Variants in RFX7 observed in about 807,000 individuals in gnomAD.
RFX7 encodes the protein regulatory factor X7.
A neutral mutation model predicts 111.8 loss-of-function variants in RFX7; 26 were observed. That is an observed-to-expected ratio of 0.23 (90% CI 0.17 to 0.32). RFX7 has a LOEUF of 0.32. Among genes scored for constraint, RFX7 ranks in the 10% least tolerant of loss-of-function variants. The pLI is 1.00. For synonymous variants in RFX7, 624 were observed against 624.4 expected (o/e 1.00, Z 0.01); for missense variants, 1,573 against 1,772.9 (o/e 0.89, Z 2.02).
At chr15:56,214,775 C>A (rs1332208709) in intron 2 of RFX7, among the ~76,000 whole-genome samples, 2 of 151,236 alleles carry the variant, frequency 1.3e-5, no homozygotes, top group Non-Finnish European at 2.9e-5. Flanking sequence ...ACATTTATTT[C>A]CAAGAACCTA....
chr15:56,181,649 A>G (rs1258456240), intron 2 of RFX7, among the ~76,000 whole-genome samples: 1 of 152,240 alleles, frequency 6.6e-6, no homozygotes, highest in Non-Finnish European at 1.5e-5. Context: ...GAGTTTTTAT[A>G]TAAATTAGTA....
chr15:56,223,396 C>A (rs2043446865), intron 2 of RFX7, among the ~76,000 whole-genome samples: 1 of 152,166 alleles, frequency 6.6e-6, no homozygotes, highest in Non-Finnish European at 1.5e-5. Flanking sequence ...TTTCCCTCAG[C>A]TACAGTTTGG....
intron 2 of RFX7, among the ~76,000 whole-genome samples, chr15:56,236,581 C>T (rs1283044439): frequency 6.6e-6 from 1 of 152,170 alleles, no homozygotes; most frequent in Non-Finnish European, 1.5e-5. Flanking sequence ...TTACAAAGAA[C>T]ATTCTGTCAC....
intron 3 of RFX7, among the ~76,000 whole-genome samples, chr15:56,155,018 A>AT (rs1256528797): frequency 3.3e-5 from 5 of 152,330 alleles, no homozygotes; most frequent in Middle Eastern, 3.4e-3. Flanking sequence ...CAACAGACAT[A>AT]GGAAAAATGC....
upstream of RFX7, chr15:56,244,394 T>C (rs1211028559): frequency 6.6e-6 from 1 of 152,102 alleles, no homozygotes; most frequent in Non-Finnish European, 1.5e-5. Flanking sequence ...CTGGGTTGAG[T>C]GCTCCTCGGT....
Position 56,203,378 on chromosome 15 carries a change from G to A in RFX7, c.162-24075C>T, listed in dbSNP as rs571728454. 1.4e-3 allele frequency among the ~76,000 whole-genome samples: 207 copies of A among 152,236 alleles called. 1 individual carries two copies. Among genetic ancestry groups the A allele is most frequent in the African/African-American group, 4.8e-3 (200 of 41,530 alleles). ...GGAATTGCTGGGTTAAATAAAATGA[G>A]CCAGGATTTTAATATTGTTTAAAAT... On this transcript the variant is annotated intron_variant, in intron 2 of 9. Coordinates refer to ENST00000559447, the MANE Select transcript of RFX7 (RefSeq NM_022841.7).
chr15:56,102,790 C>T (rs2041774170), intron 6 of RFX7, among the ~76,000 whole-genome samples: 1 of 152,156 alleles, frequency 6.6e-6, no homozygotes, highest in Non-Finnish European at 1.5e-5. Flanking sequence ...GGTTAGAGAA[C>T]ACCTGGAACC....
At chr15:56,220,483 C>T (rs1236267305) in intron 2 of RFX7, among the ~76,000 whole-genome samples, 2 of 152,022 alleles carry the variant, frequency 1.3e-5, no homozygotes, top group East Asian at 1.9e-4. Context: ...CCACCCGCCT[C>T]GGCCTCTCAA....
chr15:56,116,624 C>T (rs1004250779), intron 5 of RFX7, among the ~76,000 whole-genome samples: 2 of 152,106 alleles, frequency 1.3e-5, no homozygotes, highest in African/African-American at 4.8e-5. Context: ...AGGTTCTCCG[C>T]AGAAGACGAT....
rs1268615559 is a variant in RFX7, at chr15:56,136,157, G to A, written c.401+6621C>T. 3.2e-3 allele frequency among the ~76,000 whole-genome samples: 482 copies of A among 151,780 alleles called. 7 individuals are homozygous for A. Among genetic ancestry groups the A allele is most frequent in the African/African-American group, 0.011 (464 of 41,350 alleles). On this transcript the variant is annotated intron_variant, in intron 5 of 9. Coordinates refer to ENST00000559447, the MANE Select transcript of RFX7 (RefSeq NM_022841.7). ...GTTTTTTACAATTCTGTGAAGAAAG[G>A]CATTGGTAGCTTGATGGGGATGGCA...
In RFX7 at chr15:56,095,626, T is replaced by G. The variant is rs761903718; in HGVS notation, c.2102A>C (p.His701Pro). The G allele has an allele frequency of 6.2e-7, 1 of 1,613,912 alleles. No homozygotes were observed. The highest frequency in any genetic ancestry group is 1.3e-5 in the African/African-American group (1 of 74,928). ...TGTTGAACCTTCTGTTTTCCCTGAA[T>G]GTGGAACCTTTTGGTCCTTCTTAAC... ...GSVKKDQKVP[H>P]SGKTEGSTAG... is the part of the protein sequence containing the mutation. Residue 701 changes from histidine (H) to proline (P), a missense_variant, in exon 10 of 10, where the codon CAT (histidine) becomes CCT (proline). Around this residue, in one of 7 missense-constraint regions of RFX7, gnomAD observed 625 missense variants for 632.2 expected, o/e 0.99. Transcript: ENST00000559447.
intron 2 of RFX7, among the ~76,000 whole-genome samples, chr15:56,230,223 C>G (rs1351214409): frequency 6.6e-6 from 1 of 152,210 alleles, no homozygotes; most frequent in Non-Finnish European, 1.5e-5. Flanking sequence ...ACCCTAACTA[C>G]TGTTGTATAC....
At chr15:56,194,033 A>T (rs2043123934) in intron 2 of RFX7, among the ~76,000 whole-genome samples, 1 of 152,196 alleles carries the variant, frequency 6.6e-6, no homozygotes, top group Non-Finnish European at 1.5e-5. Context: ...ATAATATATA[A>T]TACAATGTAA....
intron 3 of RFX7, among the ~76,000 whole-genome samples, chr15:56,148,944 G>T (rs1460733712): frequency 2.0e-5 from 3 of 152,230 alleles, no homozygotes; most frequent in African/African-American, 7.2e-5. Context: ...TTAGCCAGGC[G>T]TGGTGGTGGG....
chr15:56,208,410 GA>G (rs775283601), intron 2 of RFX7, among the ~76,000 whole-genome samples: 35 of 152,252 alleles, frequency 2.3e-4, no homozygotes, highest in Non-Finnish European at 4.7e-4. Flanking sequence ...GAGACCTCAA[GA>G]TAACATTATA....
chr15:56,125,093 C>T (rs1002845125), intron 5 of RFX7, among the ~76,000 whole-genome samples: 2 of 152,180 alleles, frequency 1.3e-5, no homozygotes, highest in Non-Finnish European at 2.9e-5. Flanking sequence ...TTCCTCAGCA[C>T]CATTTATTGA....
Position 56,094,498 on chromosome 15 carries a change from A to T in RFX7, c.3230T>A (p.Val1077Asp). 6.2e-7 allele frequency: 1 copy of T among 1,613,930 alleles called. No individual in the cohort carries two copies. The highest frequency in any genetic ancestry group is 8.5e-7 in the Non-Finnish European group (1 of 1,179,872). Reference sequence around the variant, plus strand: ...GCTTGGGAGAATACCATGGCCAGAAACTGATGAATTACCAACCCCACTATA... The same window carrying T: ...GCTTGGGAGAATACCATGGCCAGAATCTGATGAATTACCAACCCCACTATA... ...NGYSGVGNSS[V>D]SGHGILPSYQ... Residue 1077 changes from valine to aspartate, a missense_variant, in exon 10 of 10, where the codon GTT becomes GAT. Transcript: ENST00000559447.
intron 2 of RFX7, among the ~76,000 whole-genome samples, chr15:56,207,452 T>C (rs891173190): frequency 4.6e-5 from 7 of 152,166 alleles, no homozygotes; most frequent in Non-Finnish European, 8.8e-5. Context: ...CATTTTACTA[T>C]AATTAAAACA....
intron 2 of RFX7, among the ~76,000 whole-genome samples, chr15:56,183,612 TA>T (rs1396161615): frequency 1.6e-4 from 24 of 152,316 alleles, no homozygotes; most frequent in Non-Finnish European, 3.4e-4. Flanking sequence ...TCAAATTTAT[TA>T]CTGTTATAAA....
Sources: allele counts gnomAD v4.1 joint callset (sites outside exome capture counted in the v4.1 genomes callset), GRCh38; gene constraint gnomAD v4.1.1; regional missense constraint gnomAD v4.1.1; transcripts MANE v1.5; gene names NCBI Gene and HGNC (gene_info 2026-07-23, HGNC 2026-07-21).